Variants in LUZP2 observed in about 807,000 individuals in gnomAD.
LUZP2 encodes leucine zipper protein 2.
In LUZP2, 52 loss-of-function variants were observed where a neutral mutation model predicts 51.6. That is an observed-to-expected ratio of 1.01 (90% CI 0.81 to 1.27). The LOEUF (loss-of-function observed/expected upper bound fraction) is 1.27. Ranked by LOEUF, LUZP2 falls within the 50% of genes most tolerant of loss-of-function variation. The pLI, the probability that LUZP2 is intolerant of heterozygous loss-of-function variation, is 0.00. For synonymous variants in LUZP2, 154 were observed against 137.3 expected (o/e 1.12, Z -0.85); for missense variants, 436 against 395.4 (o/e 1.10, Z -0.87).
chr11:24,802,981 A>T (rs1036653079), intron 5 of LUZP2, among the ~76,000 whole-genome samples: 1 of 152,056 alleles, frequency 6.6e-6, no homozygotes, highest in African/African-American at 2.4e-5. Context: ...TGTGAGAAAT[A>T]ACTTTCTGTT....
chr11:24,815,461 C>CTCGT (rs1850153068), intron 5 of LUZP2, among the ~76,000 whole-genome samples: 1 of 152,112 alleles, frequency 6.6e-6, no homozygotes, highest in Non-Finnish European at 1.5e-5. Context: ...ATACCTAATA[C>CTCGT]TCGTCTTTAG....
intron 1 of LUZP2, among the ~76,000 whole-genome samples, chr11:24,597,571 A>G (rs1239303898): frequency 6.6e-6 from 1 of 152,236 alleles, no homozygotes; most frequent in Non-Finnish European, 1.5e-5. Flanking sequence ...CCAGAAGATA[A>G]TAACTACTTT....
rs1828063060 is a variant in LUZP2 at position 25,078,666 on chromosome 11, G to A, written c.*8G>A. The A allele has an allele frequency of 1.3e-6, 2 of 1,582,332 alleles. No homozygotes were observed. Among genetic ancestry groups the A allele is most frequent in the Non-Finnish European group, 1.7e-6 (2 of 1,161,420 alleles). ...GAAGAAAAAATACTGTAAATACTAA[G>A]AAACTGTGTTAAAAACGTCCATTTG... On this transcript the variant is annotated 3_prime_UTR_variant, in exon 12 of 12. Transcript: ENST00000336930.
At chr11:24,962,900 C>A (rs574309240) in intron 7 of LUZP2, among the ~76,000 whole-genome samples, 1 of 152,230 alleles carries the variant, frequency 6.6e-6, no homozygotes, top group South Asian at 2.1e-4. Flanking sequence ...GTTTTGTCTA[C>A]TTTTGGTCTT....
intron 6 of LUZP2, among the ~76,000 whole-genome samples, chr11:24,911,706 A>G (rs1853642904): frequency 6.6e-6 from 1 of 152,198 alleles, no homozygotes; most frequent in African/African-American, 2.4e-5. Context: ...AGAACAGACT[A>G]ATACAGAGAG....
Position 24,980,436 on chromosome 11 carries a change from C to A in LUZP2, c.598-2690C>A, listed in dbSNP as rs983145786. The stretch of plus-strand genomic sequence containing the variant: ...TATTTTTTAATATATGAAATAATTT[C>A]TTATCTAATATATAAGATAAAATGA... On this transcript the variant is annotated intron_variant, in intron 8 of 11. Coordinates refer to ENST00000336930, the MANE Select transcript of LUZP2 (RefSeq NM_001009909.4). Among the ~76,000 whole-genome samples, 53 of 151,404 alleles carry A rather than the reference C, an allele frequency of 3.5e-4. 1 individual carries two copies. Among genetic ancestry groups the A allele is most frequent in the Admixed American group, 3.3e-3 (50 of 15,146 alleles).
intron 9 of LUZP2, among the ~76,000 whole-genome samples, chr11:24,984,805 G>A (rs945118767): frequency 6.6e-6 from 1 of 151,122 alleles, no homozygotes; most frequent in Admixed American, 6.6e-5. Flanking sequence ...TTCTCTCTGA[G>A]TGAATTATTT....
chr11:24,840,165 C>T (rs1040441975), intron 5 of LUZP2, among the ~76,000 whole-genome samples: 2 of 151,726 alleles, frequency 1.3e-5, no homozygotes, highest in African/African-American at 4.8e-5. Context: ...AGACTGTATG[C>T]TTACTGATTA....
chr11:25,082,075 C>T lies in LUZP2; in HGVS notation c.*3417C>T, dbSNP rs1378497891. On this transcript the variant is annotated 3_prime_UTR_variant, in exon 12 of 12. Transcript: ENST00000336930. Reference sequence around the variant, plus strand: ...GCTGTGTCTATCCAATGCCAAAATGCTCAGAAGAAAAGTGAATAATTCAGT... The same window carrying T: ...GCTGTGTCTATCCAATGCCAAAATGTTCAGAAGAAAAGTGAATAATTCAGT... 1 of 152,548 alleles carries T rather than the reference C, an allele frequency of 6.6e-6. No individual in the cohort carries two copies. The highest frequency in any genetic ancestry group is 2.1e-4 in the South Asian group (1 of 4,820). The allele number at this position is 152,548 out of a possible 1,614,324, so 9.4% of individuals were successfully genotyped here.
intron 7 of LUZP2, among the ~76,000 whole-genome samples, chr11:24,943,744 G>T (rs1166441316): frequency 6.6e-6 from 1 of 151,888 alleles, no homozygotes; most frequent in African/African-American, 2.4e-5. Context: ...TGGGTGTCGT[G>T]GTGCATGCCT....
At chr11:24,950,585 T>G (rs1381625188) in intron 7 of LUZP2, among the ~76,000 whole-genome samples, 1 of 151,608 alleles carries the variant, frequency 6.6e-6, no homozygotes, top group African/African-American at 2.4e-5. Flanking sequence ...CCAACAGAAA[T>G]TTAGCAGTTC....
chr11:24,886,610 C>T (rs1852673628), intron 5 of LUZP2, among the ~76,000 whole-genome samples: 2 of 152,078 alleles, frequency 1.3e-5, no homozygotes, highest in African/African-American at 4.8e-5. Flanking sequence ...TTTTAAAATG[C>T]ATTAGTCTGA....
chr11:24,524,581 G>C (rs1246912008), intron 1 of LUZP2, among the ~76,000 whole-genome samples: 1 of 151,686 alleles, frequency 6.6e-6, no homozygotes, highest in Non-Finnish European at 1.5e-5. Context: ...GAGCACCATT[G>C]TTTATAATTT....
intron 9 of LUZP2, among the ~76,000 whole-genome samples, chr11:24,988,266 A>G (rs562736440): frequency 1.1e-4 from 16 of 152,170 alleles, no homozygotes; most frequent in African/African-American, 3.4e-4. Flanking sequence ...GTTAAAGCCA[A>G]TATTTCCTTT....
chr11:24,570,210 A>G (rs1852388649), intron 1 of LUZP2, among the ~76,000 whole-genome samples: 1 of 151,866 alleles, frequency 6.6e-6, no homozygotes, highest in Non-Finnish European at 1.5e-5. Flanking sequence ...GTGATGGTAC[A>G]TGGTTCATTC....
At position 24,699,199 on chromosome 11, in the gene LUZP2, A is replaced by G. The variant is rs561756652; in HGVS notation, c.63-29970A>G. On this transcript the variant is annotated intron_variant, in intron 1 of 11. Coordinates refer to ENST00000336930, the MANE Select transcript of LUZP2 (RefSeq NM_001009909.4). ...GAAGCTTTGTCCCCGTAAGATTTCT[A>G]TAAAGCATCAGTGATTTAACCTTTC... is the stretch of plus-strand genomic sequence containing the variant. Among the ~76,000 whole-genome samples, 12 of 152,094 alleles carry G rather than the reference A, an allele frequency of 7.9e-5. No homozygotes were observed. The South Asian group carries it at 2.5e-3, about 32-fold the overall frequency.
chr11:24,948,820 CT>C (rs1286483362), intron 7 of LUZP2, among the ~76,000 whole-genome samples: 2 of 59,768 alleles, frequency 3.3e-5, no homozygotes, highest in African/African-American at 6.8e-5. Flanking sequence ...ATCTATCTAT[CT>C]ATCATCTATC....
At chr11:24,528,142 T>C (rs1850875059) in intron 1 of LUZP2, among the ~76,000 whole-genome samples, 1 of 151,346 alleles carries the variant, frequency 6.6e-6, no homozygotes, top group African/African-American at 2.4e-5. Flanking sequence ...ATTGAAAATA[T>C]AAAAGGAAGT....
At chr11:24,829,997 C>T (rs2631498) in intron 5 of LUZP2, among the ~76,000 whole-genome samples, 23,760 of 151,766 alleles carry the variant, frequency 0.16, 2,064 homozygotes, top group African/African-American at 0.22. Flanking sequence ...TAATGTGAAG[C>T]AGATTTAAAG....
Sources: allele counts gnomAD v4.1 joint callset (sites outside exome capture counted in the v4.1 genomes callset), GRCh38; gene constraint gnomAD v4.1.1; transcripts MANE v1.5; gene names NCBI Gene and HGNC (gene_info 2026-07-23, HGNC 2026-07-21).